MAST4: variants seen among roughly 807,000 people sequenced by gnomAD.
The protein encoded by MAST4 is microtubule-associated serine/threonine-protein kinase 4.
MAST4 carries 89 observed loss-of-function variants against 162.7 expected under a neutral mutation model. That is an observed-to-expected ratio of 0.55 (90% confidence interval 0.46 to 0.65). The LOEUF is 0.65. Among genes scored for constraint, MAST4 ranks in the 30% least tolerant of loss-of-function variants. The pLI, the probability that MAST4 is intolerant of heterozygous loss-of-function variation, is 0.00. For missense variants in MAST4, 3,153 were observed against 3,374.0 expected, an observed-to-expected ratio of 0.93 and a Z score of 1.62; for synonymous variants, 1,479 against 1,361.1, an observed-to-expected ratio of 1.09 and a Z score of -1.91.
At chr5:66,667,909 A>G (rs1747364135) in intron 1 of MAST4, among the ~76,000 whole-genome samples, 1 of 152,222 alleles carries the variant, frequency 6.6e-6, no homozygotes, top group East Asian at 1.9e-4. Flanking sequence ...TCCAGTATTT[A>G]TCAATAGTGA....
Position 66,985,969 on chromosome 5 carries a change from T to C in MAST4, c.675-68435T>C, listed in dbSNP as rs368723534. 2.0e-4 allele frequency among the ~76,000 whole-genome samples: 30 copies of C among 152,326 alleles called. No homozygotes were observed. In the East Asian group the frequency reaches 4.6e-3, roughly 23 times the overall value. ...AGTGTGTAGAACTACTCATTCATCC[T>C]GTAAACATATATTGATTGCCAATAA... is the stretch of plus-strand genomic sequence containing the variant. On this transcript the variant is annotated intron_variant, in intron 4 of 28. Coordinates refer to ENST00000403625, the MANE Select transcript of MAST4 (RefSeq NM_001164664.2).
chr5:66,666,918 G>A (rs1747297448), intron 1 of MAST4, among the ~76,000 whole-genome samples: 1 of 152,190 alleles, frequency 6.6e-6, no homozygotes. Flanking sequence ...AATAAGGGTT[G>A]GTTTGTGTGC....
chr5:66,975,248 G>A (rs1383302854), intron 4 of MAST4, among the ~76,000 whole-genome samples: 1 of 152,144 alleles, frequency 6.6e-6, no homozygotes, highest in African/African-American at 2.4e-5. Flanking sequence ...TCCAGACTGG[G>A]AGAATATATC....
intron 1 of MAST4, among the ~76,000 whole-genome samples, chr5:66,736,688 A>C (rs1020353880): frequency 6.6e-6 from 1 of 152,222 alleles, no homozygotes; most frequent in African/African-American, 2.4e-5. Flanking sequence ...ACAGTGGTCT[A>C]TTCTTTTCTT....
intron 3 of MAST4, among the ~76,000 whole-genome samples, chr5:66,831,019 ACTG>A (rs1460361532): frequency 1.3e-5 from 2 of 152,242 alleles, no homozygotes; most frequent in African/African-American, 4.8e-5. Context: ...TAAAATGCAT[ACTG>A]TAATATATGA....
intron 1 of MAST4, among the ~76,000 whole-genome samples, chr5:66,632,942 T>G (rs964651105): frequency 4.6e-5 from 7 of 152,206 alleles, no homozygotes; most frequent in African/African-American, 1.7e-4. Context: ...CATGTAAATT[T>G]AGTGCAAATG....
chr5:66,944,028 T>C (rs983134903), intron 4 of MAST4, among the ~76,000 whole-genome samples: 2 of 152,150 alleles, frequency 1.3e-5, no homozygotes, highest in South Asian at 4.1e-4. Flanking sequence ...CTTTGCTCTA[T>C]TGATTTGTTA....
chr5:66,946,822 C>T (rs541799074), intron 4 of MAST4, among the ~76,000 whole-genome samples: 16 of 152,186 alleles, frequency 1.1e-4, no homozygotes, highest in African/African-American at 2.9e-4. Flanking sequence ...GAATGCATTA[C>T]GAGTCGGGAA....
At position 67,054,510 on chromosome 5, in the gene MAST4, C is replaced by A. The variant is rs117789430; in HGVS notation, c.763+18C>A. The A allele has an allele frequency of 2.5e-6, 4 of 1,579,318 alleles. No homozygotes were observed. Among genetic ancestry groups the A allele is most frequent in the Non-Finnish European group, 3.4e-6 (4 of 1,165,848 alleles). On this transcript the variant is annotated intron_variant, in intron 5 of 28. Coordinates refer to ENST00000403625, the MANE Select transcript of MAST4 (RefSeq NM_001164664.2). ...TCATGCAGGTAATTGGTTACCATTT[C>A]TTGAGTTTTGTTTTATTTCTTTATT... is the stretch of plus-strand genomic sequence containing the variant.
chr5:66,813,555 A>G (rs778690014), intron 3 of MAST4, among the ~76,000 whole-genome samples: 7 of 152,224 alleles, frequency 4.6e-5, no homozygotes, highest in African/African-American at 9.6e-5. Context: ...CAGATGCAGG[A>G]GAATTTCCTC....
intron 3 of MAST4, among the ~76,000 whole-genome samples, chr5:66,857,658 T>C (rs1759788167): frequency 6.6e-6 from 1 of 152,250 alleles, no homozygotes; most frequent in East Asian, 1.9e-4. Flanking sequence ...TCTTTTTATA[T>C]GTTTAGTGGT....
chr5:67,079,340 A>AAT (rs1179443037), intron 5 of MAST4, among the ~76,000 whole-genome samples: 1 of 152,156 alleles, frequency 6.6e-6, no homozygotes. Flanking sequence ...AAAAATAGCA[A>AAT]ATATAGAACT....
chr5:66,626,257 C>T (rs1007651093), intron 1 of MAST4, among the ~76,000 whole-genome samples: 2 of 152,090 alleles, frequency 1.3e-5, no homozygotes, highest in African/African-American at 4.8e-5. Context: ...TAAATCTTCT[C>T]ATATACACAC....
intron 1 of MAST4, among the ~76,000 whole-genome samples, chr5:66,726,781 C>T (rs1204285216): frequency 6.6e-6 from 1 of 152,004 alleles, no homozygotes; most frequent in African/African-American, 2.4e-5. Flanking sequence ...GAGTGTGAAC[C>T]CTATTATGAA....
At chr5:66,804,595 C>G (rs1031427398) in intron 3 of MAST4, among the ~76,000 whole-genome samples, 7 of 152,226 alleles carry the variant, frequency 4.6e-5, no homozygotes, top group Non-Finnish European at 1.0e-4. Flanking sequence ...ATGATTAAGT[C>G]TGGCATCAGT....
At chr5:66,676,237 G>C (rs183338237) in intron 1 of MAST4, among the ~76,000 whole-genome samples, 3 of 152,328 alleles carry the variant, frequency 2.0e-5, no homozygotes, top group Non-Finnish European at 4.4e-5. Context: ...TGGTGTGTCC[G>C]TGGAGGGGAA....
chr5:66,680,914 G>C (rs1177711717), intron 1 of MAST4, among the ~76,000 whole-genome samples: 2 of 152,200 alleles, frequency 1.3e-5, no homozygotes, highest in Non-Finnish European at 2.9e-5. Context: ...GGGCCTCCTT[G>C]CCACCTGGGC....
Position 67,078,939 on chromosome 5 carries a change from T to TATATATATATA in MAST4, c.764-11222_764-11212dup, listed in dbSNP as rs1561622746. On this transcript the variant is annotated intron_variant, in intron 5 of 28. Coordinates refer to ENST00000403625, the MANE Select transcript of MAST4 (RefSeq NM_001164664.2). ...ATATATATATATATATATATATATA[T>TATATATATATA]ATATATATATATGGCAATCTGATGT... is the stretch of plus-strand genomic sequence containing the variant. Among the ~76,000 whole-genome samples, 179 of 97,150 alleles carry TATATATATATA rather than the reference T, an allele frequency of 1.8e-3. 7 individuals carry two copies. Among genetic ancestry groups the TATATATATATA allele is most frequent in the African/African-American group, 8.3e-3 (172 of 20,674 alleles). 63.7% of individuals were successfully genotyped at this position (97,150 alleles called of 152,430 possible). A position where few individuals can be genotyped will look rare whatever the true frequency, so the allele number is the denominator to read the frequency against.
At chr5:66,875,661 A>AT (rs148112705) in intron 3 of MAST4, among the ~76,000 whole-genome samples, 4 of 152,156 alleles carry the variant, frequency 2.6e-5, no homozygotes, top group African/African-American at 9.7e-5. Flanking sequence ...GGTAATCATT[A>AT]TTTTTTCCCC....
Sources: gnomAD v4.1 joint callset for allele counts (sites outside exome capture counted in the v4.1 genomes callset) on GRCh38, gnomAD v4.1.1 for gene constraint, MANE v1.5 for transcripts, NCBI Gene and HGNC (gene_info 2026-07-23, HGNC 2026-07-21) for gene names.